POMGNT2: variants seen among roughly 807,000 people sequenced by gnomAD.
POMGNT2 encodes the protein protein O-linked mannose N-acetylglucosaminyltransferase 2 (beta 1,4-), also known as protein O-linked-mannose beta-1,4-N-acetylglucosaminyltransferase 2.
A neutral mutation model predicts 37.8 loss-of-function variants in POMGNT2; 32 were observed. The ratio of observed to expected loss-of-function variants is 0.85; its 90% confidence interval spans 0.64 to 1.14. The LOEUF is 1.14. POMGNT2 is among the 50% of genes most tolerant of loss of function. POMGNT2 has a pLI of 0.00. For synonymous variants in POMGNT2, 340 were observed against 336.8 expected, an observed-to-expected ratio of 1.01 and a Z score of -0.10; for missense variants, 705 against 780.6, an observed-to-expected ratio of 0.90 and a Z score of 1.15.
intron 1 of POMGNT2, among the ~76,000 whole-genome samples, chr3:43,089,636 G>A (rs1176443541): frequency 6.6e-6 from 1 of 152,114 alleles, no homozygotes; most frequent in Non-Finnish European, 1.5e-5. Context: ...TGTTAGAATG[G>A]GGGGCCTAGA....
Position 43,079,648 on chromosome 3 carries a change from T to C in POMGNT2, c.*41A>G, listed in dbSNP as rs761391441. On this transcript the variant is annotated 3_prime_UTR_variant, in exon 2 of 2. Transcript: ENST00000344697. ...ATTAATGGGCCCAGGGACGCTGAAC[T>C]GCAGGAGCCACCTTCCCGAGGCCAG... The C allele has an allele frequency of 1.3e-6, 2 of 1,569,414 alleles. No individual in the cohort carries two copies. The highest frequency in any genetic ancestry group is 1.7e-6 in the Non-Finnish European group (2 of 1,153,818).
chr3:43,097,168 C>T (rs564896111), intron 1 of POMGNT2, among the ~76,000 whole-genome samples: 2 of 152,300 alleles, frequency 1.3e-5, no homozygotes, highest in East Asian at 3.9e-4. Flanking sequence ...GGAGTAAAAG[C>T]TCCAGGAATT....
intron 1 of POMGNT2, among the ~76,000 whole-genome samples, chr3:43,103,133 A>G (rs2090031747): frequency 6.6e-6 from 1 of 152,102 alleles, no homozygotes; most frequent in Non-Finnish European, 1.5e-5. Flanking sequence ...TTACAAAACC[A>G]CTGCCCTTTA....
Position 43,081,102 on chromosome 3 carries a change from C to A in POMGNT2, c.330G>T (p.Arg110=). Residue 110 remains arginine (R), a synonymous_variant, in exon 2 of 2, where the codon CGG becomes CGT. Coordinates refer to ENST00000344697, the MANE Select transcript of POMGNT2 (RefSeq NM_032806.6). ...TSVMLPNLGS[R]RFQPALLDLS... is the part of the protein sequence containing the mutation. ...GGTCGAGCAGGGCTGGCTGGAAGCG[C>A]CGGGAGCCCAGGTTGGGCAGCATGA... 1 of 1,614,208 alleles carries A rather than the reference C, an allele frequency of 6.2e-7. No individual in the cohort carries two copies. The highest frequency in any genetic ancestry group is 8.5e-7 in the Non-Finnish European group (1 of 1,180,036).
chr3:43,097,934 T>C (rs1230847733), intron 1 of POMGNT2, among the ~76,000 whole-genome samples: 5 of 152,196 alleles, frequency 3.3e-5, no homozygotes, highest in Non-Finnish European at 7.4e-5. Context: ...GGCCTCACCA[T>C]GGCCTGTGCC....
chr3:43,098,541 T>A lies in POMGNT2; in HGVS notation c.-106+7295A>T, dbSNP rs75004402. ...CAGTCTGAGTGGTTCTTGTAAAACTTAACACATTTAATTATCAAGGCATAT... is the reference window on the plus strand; with the variant it reads ...CAGTCTGAGTGGTTCTTGTAAAACTAAACACATTTAATTATCAAGGCATAT... On this transcript the variant is annotated intron_variant, in intron 1 of 1. Transcript: ENST00000344697. This position sits in a 1 kb window ranked among gnomAD's most constrained non-coding sequence, Gnocchi z 4.3. Among the ~76,000 whole-genome samples the A allele has an allele frequency of 0.013, 1,928 of 152,346 alleles. 32 individuals are homozygous for A. Among genetic ancestry groups the A allele is most frequent in the African/African-American group, 0.044 (1,819 of 41,570 alleles).
chr3:43,080,751 C>G lies in POMGNT2; in HGVS notation c.681G>C (p.Leu227=). ...RAQLKTLGRL[L]CFSHAFVGLS... ...GGCCCACAAAAGCATGGGAGAAGCA[C>G]AGCAGCCGGCCCAGGGTCTTCAGCT... Residue 227 remains leucine (L), a synonymous_variant, in exon 2 of 2, where the codon CTG becomes CTC. Transcript: ENST00000344697. 6.2e-7 allele frequency: 1 copy of G among 1,614,076 alleles called. No homozygotes were observed. The highest frequency in any genetic ancestry group is 1.3e-5 in the African/African-American group (1 of 75,044).
chr3:43,104,280 G>A (rs1471832288), intron 1 of POMGNT2, among the ~76,000 whole-genome samples: 3 of 152,230 alleles, frequency 2.0e-5, no homozygotes, highest in South Asian at 4.1e-4. Context: ...GGTAGGTCCT[G>A]GGGGGAAAGT....
chr3:43,094,562 C>T (rs1477168948), intron 1 of POMGNT2, among the ~76,000 whole-genome samples: 6 of 152,220 alleles, frequency 3.9e-5, no homozygotes, highest in Non-Finnish European at 5.9e-5. Flanking sequence ...GGAGCTAAGC[C>T]GCTGTCTTCC....
intron 1 of POMGNT2, among the ~76,000 whole-genome samples, chr3:43,103,848 A>C (rs1194673329): frequency 6.6e-6 from 1 of 152,144 alleles, no homozygotes; most frequent in Non-Finnish European, 1.5e-5. Flanking sequence ...CCAAGCCTTC[A>C]CTTCCTGGCT....
At chr3:43,093,166 C>A (rs1451963532) in intron 1 of POMGNT2, among the ~76,000 whole-genome samples, 1 of 152,180 alleles carries the variant, frequency 6.6e-6, no homozygotes, top group Non-Finnish European at 1.5e-5. Flanking sequence ...GTCTAGGGTC[C>A]ACATCTGGAC....
chr3:43,099,212 T>A (rs1461089264), intron 1 of POMGNT2, among the ~76,000 whole-genome samples: 1 of 152,102 alleles, frequency 6.6e-6, no homozygotes, highest in Non-Finnish European at 1.5e-5. Context: ...AGGCCCAATT[T>A]GAGAGGGTTG....
chr3:43,092,871 A>G (rs959331578), intron 1 of POMGNT2, among the ~76,000 whole-genome samples: 2 of 152,278 alleles, frequency 1.3e-5, no homozygotes, highest in Non-Finnish European at 1.5e-5. Flanking sequence ...ATCGATATTC[A>G]GGAAAAACAA....
Position 43,080,291 on chromosome 3 carries a change from C to A in POMGNT2, c.1141G>T (p.Ala381Ser). The change falls in exon 2 of 2, where the codon GCC becomes TCC. Residue 381 changes from alanine to serine, a missense_variant. Transcript: ENST00000344697. ...TGGAGGTCCATGCCAGGCAGCATGGCCAGCGTCTTATAGGGAGTGTAGTGG... is the reference window on the plus strand; with the variant it reads ...TGGAGGTCCATGCCAGGCAGCATGGACAGCGTCTTATAGGGAGTGTAGTGG... ...PDHYTPYKTL[A>S]MLPGMDLQYV... The A allele has an allele frequency of 6.2e-7, 1 of 1,614,160 alleles. No homozygotes were observed. The highest frequency in any genetic ancestry group is 8.5e-7 in the Non-Finnish European group (1 of 1,180,022).
chr3:43,094,568 C>G (rs1408797934), intron 1 of POMGNT2, among the ~76,000 whole-genome samples: 2 of 152,252 alleles, frequency 1.3e-5, no homozygotes, highest in Non-Finnish European at 2.9e-5. Context: ...AAGCCGCTGT[C>G]TTCCACAGGA....
chr3:43,085,138 T>C (rs894742245), intron 1 of POMGNT2, among the ~76,000 whole-genome samples: 1 of 152,116 alleles, frequency 6.6e-6, no homozygotes, highest in African/African-American at 2.4e-5. Flanking sequence ...GGCTCTGCAG[T>C]TGGCCTCCAA....
intron 1 of POMGNT2, among the ~76,000 whole-genome samples, chr3:43,092,244 A>T (rs2089949402): frequency 6.6e-6 from 1 of 152,222 alleles, no homozygotes; most frequent in African/African-American, 2.4e-5. Flanking sequence ...TAAAAAAGTT[A>T]TTTTAAATTA....
chr3:43,080,392 G>A lies in POMGNT2; in HGVS notation c.1040C>T (p.Ala347Val). ...NASMLVSMHG[A>V]QLVTTLFLPR... The stretch of plus-strand genomic sequence containing the variant: ...CAGGAAGAGGGTGGTGACCAGCTGG[G>A]CCCCATGCATGCTGACCAGCATGGA... The change falls in exon 2 of 2, where the codon GCC (alanine) becomes GTC (valine). Residue 347 changes from alanine to valine, a missense_variant. By Grantham distance (64) the Ala-to-Val change is moderately conservative. Coordinates refer to ENST00000344697, the MANE Select transcript of POMGNT2 (RefSeq NM_032806.6). 1 of 1,614,112 alleles carries A rather than the reference G, an allele frequency of 6.2e-7. No homozygotes were observed.
chr3:43,091,138 T>C (rs2089940193), intron 1 of POMGNT2, among the ~76,000 whole-genome samples: 1 of 152,128 alleles, frequency 6.6e-6, no homozygotes, highest in African/African-American at 2.4e-5. Context: ...CACCCAGATC[T>C]GTGTTTCTAA....
Sources: gnomAD v4.1 joint callset for allele counts (sites outside exome capture counted in the v4.1 genomes callset) on GRCh38, gnomAD v4.1.1 for gene constraint, Gnocchi (gnomAD v3.1) non-coding constraint, MANE v1.5 for transcripts, NCBI Gene and HGNC (gene_info 2026-07-23, HGNC 2026-07-21) for gene names.